The following LSS variants were observed in gnomAD, a reference collection of about 807,000 sequenced individuals.
LSS encodes 2,3-epoxysqualene-lanosterol cyclase.
A neutral mutation model predicts 110.3 loss-of-function variants in LSS; 90 were observed. That is an observed-to-expected ratio of 0.82 (90% CI 0.69 to 0.97). The LOEUF (loss-of-function observed/expected upper bound fraction) is 0.97. Ranked by LOEUF, LSS falls within the 50% of genes least tolerant of loss-of-function variation. The pLI is 0.00. For synonymous variants in LSS, 433 were observed against 400.0 expected (o/e 1.08, Z -0.98); for missense variants, 927 against 990.0 (o/e 0.94, Z 0.85).
At chr21:46,197,136 T>C (rs1280497196) in intron 17 of LSS, among the ~76,000 whole-genome samples, 1 of 152,262 alleles carries the variant, frequency 6.6e-6, no homozygotes, top group Non-Finnish European at 1.5e-5. Flanking sequence ...AGGTTTGTAC[T>C]AATATTGTTA....
At position 46,222,256 on chromosome 21, in the gene LSS, G is replaced by A. The variant is rs2080288320; in HGVS notation, c.429-281C>T. On this transcript the variant is annotated intron_variant, in intron 4 of 21. Transcript: ENST00000397728. ...TTCTAGCTCAAGGGCGGTCCACTTTGGGCTATGGCTCTGCTCCCAAAGTGT... is the reference window on the plus strand; with the variant it reads ...TTCTAGCTCAAGGGCGGTCCACTTTAGGCTATGGCTCTGCTCCCAAAGTGT... 1.7e-5 allele frequency: 9 copies of A among 536,008 alleles called. 1 individual carries two copies. The highest frequency in any genetic ancestry group is 1.0e-3 in the Middle Eastern group (2 of 1,982). The allele number at this position is 536,008 out of a possible 1,614,324, so 33.2% of individuals were successfully genotyped here. A position where few individuals can be genotyped will look rare whatever the true frequency, so the allele number is the denominator to read the frequency against.
At chr21:46,211,700 G>A (rs1405867222) in intron 11 of LSS, among the ~76,000 whole-genome samples, 2 of 152,162 alleles carry the variant, frequency 1.3e-5, no homozygotes, top group Non-Finnish European at 2.9e-5. Flanking sequence ...TCTCGCCAAA[G>A]AAACACAATG....
Position 46,209,776 on chromosome 21 carries a change from C to G in LSS, c.1195-151G>C. The G allele has an allele frequency of 1.6e-6, 1 of 633,690 alleles. No individual in the cohort carries two copies. The highest frequency in any genetic ancestry group is 2.8e-6 in the Non-Finnish European group (1 of 357,966). 39.3% of individuals were successfully genotyped at this position (633,690 alleles called of 1,614,324 possible). On this transcript the variant is annotated intron_variant, in intron 12 of 21. Transcript: ENST00000397728. The surrounding 1 kb of genome is among the most constrained non-coding windows in gnomAD (Gnocchi z 4.4). Reference sequence around the variant, plus strand: ...CTCCAGAGAGTGCCAGGGTCTCCTGCTGCACTTACCTTTAAAGACAAAACA... The same window carrying G: ...CTCCAGAGAGTGCCAGGGTCTCCTGGTGCACTTACCTTTAAAGACAAAACA...
intron 10 of LSS, among the ~76,000 whole-genome samples, chr21:46,213,369 G>A (rs569214938): frequency 7.2e-5 from 11 of 152,346 alleles, no homozygotes; most frequent in African/African-American, 2.6e-4. Flanking sequence ...CTGTACAGCG[G>A]AAGCTTCCCA....
At chr21:46,217,292 C>CTGTAGGTG (rs2080219984) in intron 6 of LSS, among the ~76,000 whole-genome samples, 1 of 150,974 alleles carries the variant, frequency 6.6e-6, no homozygotes, top group Non-Finnish European at 1.5e-5. Context: ...AACTGTAGGT[C>CTGTAGGTG]TGTGGAATCT....
Position 46,196,299 on chromosome 21 carries a change from T to C in LSS, c.1671-32A>G, listed in dbSNP as rs200721361. On this transcript the variant is annotated intron_variant, in intron 17 of 21. Coordinates refer to ENST00000397728, the MANE Select transcript of LSS (RefSeq NM_002340.6). ...CACGAGATTGGTCCAGTGAACATTCTGGTAAAACAGCAGTTTACCTATCCC... is the reference window on the plus strand; with the variant it reads ...CACGAGATTGGTCCAGTGAACATTCCGGTAAAACAGCAGTTTACCTATCCC... 108 of 1,578,690 alleles carry C rather than the reference T, an allele frequency of 6.8e-5. No individual in the cohort carries two copies. The African/African-American group carries it at 1.1e-3, about 17-fold the overall frequency.
chr21:46,226,489 T>C (rs2080341254), intron 3 of LSS, among the ~76,000 whole-genome samples: 1 of 152,212 alleles, frequency 6.6e-6, no homozygotes, highest in South Asian at 2.1e-4. Flanking sequence ...AAAAACTCAA[T>C]GCTGTACAGT....
intron 19 of LSS, among the ~76,000 whole-genome samples, 154 bp downstream of exon 19, chr21:46,195,522 A>G (rs943241859): frequency 6.6e-6 from 1 of 152,220 alleles, no homozygotes; most frequent in African/African-American, 2.4e-5. Flanking sequence ...GGATCATGCC[A>G]CTGCATGTCA....
At chr21:46,227,303 G>A (rs889973035) in intron 3 of LSS, 3 of 494,478 alleles carry the variant, frequency 6.1e-6, no homozygotes, top group African/African-American at 3.9e-5. Context: ...CCTCCCTCAA[G>A]GCAACACAGA....
intron 18 of LSS, 92 bp from the exon 19 acceptor site, chr21:46,195,848 C>G (rs2079902724): frequency 9.8e-7 from 1 of 1,016,280 alleles, no homozygotes; most frequent in Non-Finnish European, 1.5e-6. Context: ...ACACGTGCCC[C>G]AGCCAGCCCA....
Position 46,216,250 on chromosome 21 carries a change from G to T in LSS, c.783+139C>A. The T allele has an allele frequency of 2.0e-6, 2 of 1,024,906 alleles. No individual in the cohort carries two copies. The highest frequency in any genetic ancestry group is 2.9e-6 in the Non-Finnish European group (2 of 679,778). 63.5% of individuals were successfully genotyped at this position (1,024,906 alleles called of 1,614,324 possible). ...ACTGTTTATTATAGGATGGAGGAAG[G>T]TGGAGGCTCTGCTCCACAGGGCTCT... is the stretch of plus-strand genomic sequence containing the variant. On this transcript the variant is annotated intron_variant, in intron 7 of 21. Coordinates refer to ENST00000397728, the MANE Select transcript of LSS (RefSeq NM_002340.6). The surrounding 1 kb of genome is among the most constrained non-coding windows in gnomAD (Gnocchi z 4.2).
At chr21:46,212,063 CAGGGAGGGGA>C in intron 11 of LSS, among the ~76,000 whole-genome samples, 1 of 108,732 alleles carries the variant, frequency 9.2e-6, no homozygotes, top group Admixed American at 9.7e-5. Flanking sequence ...CAGGGAGGGG[CAGGGAGGGGA>C]CAGGGAGGGG....
chr21:46,192,087 C>G lies in LSS; in HGVS notation c.1989-128G>C. 4.0e-6 allele frequency: 3 copies of G among 745,714 alleles called. No individual in the cohort carries two copies. The South Asian group carries it at 4.6e-5, about 11-fold the overall frequency. 46.2% of individuals were successfully genotyped at this position (745,714 alleles called of 1,614,324 possible). A position where few individuals can be genotyped will look rare whatever the true frequency, so the allele number is the denominator to read the frequency against. On this transcript the variant is annotated intron_variant, in intron 20 of 21. Coordinates refer to ENST00000397728, the MANE Select transcript of LSS (RefSeq NM_002340.6). ...GTGAGAATGGATGGGTCTAAACTGA[C>G]GCCCACAGGCCCCGCCAGGTGCAGC...
intron 4 of LSS, 181 bp downstream of exon 4, chr21:46,222,449 G>C: frequency 1.7e-6 from 1 of 588,342 alleles, no homozygotes; most frequent in South Asian, 2.1e-5. Context: ...ATGTGAAGCC[G>C]AGGCCCCACC....
intron 11 of LSS, 131 bp from the exon 12 acceptor site, chr21:46,210,875 T>G: frequency 1.2e-6 from 1 of 811,820 alleles, no homozygotes; most frequent in Non-Finnish European, 2.0e-6. Context: ...AGCCTCAGGC[T>G]CTGAGCCCTG....
intron 18 of LSS, 139 bp downstream of exon 18, chr21:46,196,063 A>C: frequency 1.2e-6 from 1 of 839,916 alleles, no homozygotes; most frequent in African/African-American, 1.7e-5. Flanking sequence ...GTCCCCCAGA[A>C]GTCACGGGCT....
chr21:46,222,711 C>A lies in LSS; in HGVS notation c.347G>T (p.Arg116Leu), dbSNP rs146421852. 1.5e-4 allele frequency: 236 copies of A among 1,613,804 alleles called. 6 individuals carry two copies. In the South Asian group the frequency reaches 2.5e-3, roughly 17 times the overall value. ...PGLLITCHVA[R>L]IPLPAGYREE... ...TCTGTATCCGGCTGGCAGAGGGATG[C>A]GTGCCACGTGGCAAGTGATCAGGAG... Residue 116 changes from arginine (R) to leucine (L), a missense_variant, in exon 4 of 22, where the codon CGC becomes CTC. Physicochemically the swap from Arg to Leu is moderately radical, Grantham distance 102. Transcript: ENST00000397728.
chr21:46,198,479 G>A (rs2079938413), intron 17 of LSS, among the ~76,000 whole-genome samples: 1 of 152,142 alleles, frequency 6.6e-6, no homozygotes, highest in African/African-American at 2.4e-5. Flanking sequence ...CAGATTCAAT[G>A]TAATCCCAAT....
intron 11 of LSS, among the ~76,000 whole-genome samples, chr21:46,211,271 C>T (rs1403893466): frequency 2.0e-5 from 3 of 152,210 alleles, no homozygotes; most frequent in Non-Finnish European, 4.4e-5. Context: ...GGATTACAGG[C>T]TCCTGCCAGC....
Sources: allele counts gnomAD v4.1 joint callset (sites outside exome capture counted in the v4.1 genomes callset), GRCh38; gene constraint gnomAD v4.1.1; non-coding constraint Gnocchi (gnomAD v3.1); transcripts MANE v1.5; gene names NCBI Gene and HGNC (gene_info 2026-07-23, HGNC 2026-07-21).